The following PALD1 variants were observed in gnomAD, a reference collection of about 807,000 sequenced individuals.
The protein encoded by PALD1 is phosphatase domain containing paladin 1.
Under a neutral mutation model 96.0 loss-of-function variants are expected in PALD1, and 57 were observed. The observed-to-expected ratio is 0.59, with a 90% CI of 0.48 to 0.74. The LOEUF (loss-of-function observed/expected upper bound fraction) is 0.74. Among genes scored for constraint, PALD1 ranks in the 30% least tolerant of loss-of-function variants. The probability of loss-of-function intolerance (pLI) is 0.00; values close to 1 mark genes in which losing one functional copy is unlikely to be tolerated. For synonymous variants in PALD1, 464 were observed against 473.6 expected (o/e 0.98, Z 0.26); for missense variants, 1,063 against 1,143.7 (o/e 0.93, Z 1.02).
chr10:70,548,911 T>G (rs983504836), intron 18 of PALD1, among the ~76,000 whole-genome samples: 2 of 151,654 alleles, frequency 1.3e-5, no homozygotes, highest in South Asian at 2.1e-4. Flanking sequence ...TTTGGAGAGA[T>G]AAAGAGGCTG....
rs564248938 is a variant in PALD1 at position 70,531,571 on chromosome 10, G to C, written c.633+117G>C. ...CCGTGTTCCCCCACTGTTGTGCCCTGCTTGGGTGAGTGGCTGGCTGCAAGG... is the reference window on the plus strand; with the variant it reads ...CCGTGTTCCCCCACTGTTGTGCCCTCCTTGGGTGAGTGGCTGGCTGCAAGG... On this transcript the variant is annotated intron_variant, in intron 5 of 19. Coordinates refer to ENST00000263563, the MANE Select transcript of PALD1 (RefSeq NM_014431.3). The C allele has an allele frequency of 7.0e-5, 68 of 966,914 alleles. No individual in the cohort carries two copies. The African/African-American group carries it at 1.1e-3, about 15-fold the overall frequency. The allele number at this position is 966,914 out of a possible 1,614,324, so 59.9% of individuals were successfully genotyped here.
Position 70,540,503 on chromosome 10 carries a change from C to T in PALD1, c.1909-599C>T, listed in dbSNP as rs574475095. ...ACCGGACGTGGATCCCTGTGTGGTGCGTGTGTCTGGCGTGTGTTGTAGGTG... is the reference window on the plus strand; with the variant it reads ...ACCGGACGTGGATCCCTGTGTGGTGTGTGTGTCTGGCGTGTGTTGTAGGTG... On this transcript the variant is annotated intron_variant, in intron 15 of 19. Transcript: ENST00000263563. This position sits in a 1 kb window ranked among gnomAD's most constrained non-coding sequence, Gnocchi z 4.2. Among the ~76,000 whole-genome samples, 15 of 151,128 alleles carry T rather than the reference C, an allele frequency of 9.9e-5. No homozygotes were observed. In the South Asian group the frequency reaches 2.8e-3, roughly 28 times the overall value.
chr10:70,546,210 C>A (rs1382763395), intron 17 of PALD1, among the ~76,000 whole-genome samples: 2 of 152,176 alleles, frequency 1.3e-5, no homozygotes, highest in African/African-American at 2.4e-5. Flanking sequence ...ACACTCCAGA[C>A]TGGGTGACAG....
chr10:70,483,539 G>A (rs1845968870), intron 1 of PALD1, among the ~76,000 whole-genome samples: 1 of 152,140 alleles, frequency 6.6e-6, no homozygotes, highest in South Asian at 2.1e-4. Flanking sequence ...CCTGGGAAAC[G>A]GCCAACAGGC....
intron 2 of PALD1, among the ~76,000 whole-genome samples, chr10:70,527,586 G>A (rs908817403): frequency 5.9e-5 from 9 of 152,210 alleles, no homozygotes; most frequent in Non-Finnish European, 1.3e-4. Context: ...AGTATTTACT[G>A]TGTGGCCCTT....
intron 10 of PALD1, among the ~76,000 whole-genome samples, chr10:70,537,122 T>G (rs2132387270): frequency 1.3e-5 from 2 of 152,194 alleles, no homozygotes; most frequent in East Asian, 3.9e-4. Context: ...CTTTTTTTTT[T>G]TTTGAGACAG....
intron 1 of PALD1, among the ~76,000 whole-genome samples, chr10:70,500,746 G>A (rs999022430): frequency 6.6e-6 from 1 of 152,210 alleles, no homozygotes. Context: ...GGGATTATAG[G>A]GGTGGGGGAA....
At chr10:70,496,130 C>T (rs1846191611) in intron 1 of PALD1, among the ~76,000 whole-genome samples, 1 of 152,132 alleles carries the variant, frequency 6.6e-6, no homozygotes, top group African/African-American at 2.4e-5. Context: ...GACTTGAACT[C>T]TGGTCTTTCG....
chr10:70,551,928 A>C (rs1309313157), intron 18 of PALD1, among the ~76,000 whole-genome samples: 1 of 152,086 alleles, frequency 6.6e-6, no homozygotes, highest in African/African-American at 2.4e-5. Context: ...AATCCTGCCA[A>C]CTCAGCGATG....
intron 2 of PALD1, 149 bp from the exon 3 acceptor site, chr10:70,529,080 G>C: frequency 1.7e-6 from 1 of 595,608 alleles, no homozygotes; most frequent in Non-Finnish European, 3.1e-6. Flanking sequence ...AAGAAGGGAA[G>C]AGTGGATATT....
At chr10:70,514,994 A>G (rs1042317300) in intron 1 of PALD1, among the ~76,000 whole-genome samples, 2 of 152,140 alleles carry the variant, frequency 1.3e-5, no homozygotes, top group African/African-American at 4.8e-5. Flanking sequence ...AATAAATATC[A>G]CCCTGCAGCT....
At chr10:70,503,763 G>T (rs1311459213) in intron 1 of PALD1, among the ~76,000 whole-genome samples, 1 of 152,160 alleles carries the variant, frequency 6.6e-6, no homozygotes, top group Non-Finnish European at 1.5e-5. Flanking sequence ...TTTTTATGCA[G>T]TCTGATCTGT....
At chr10:70,531,226 C>T (rs117602206) in intron 4 of PALD1, 64 bp from the exon 5 acceptor site, 45,156 of 1,381,364 alleles carry the variant, frequency 0.033, 874 homozygotes, top group Admixed American at 0.05. Context: ...TGAGGTGGGG[C>T]AGTGGTGCAG....
chr10:70,560,769 C>T lies in PALD1; in HGVS notation c.2263-3595C>T, dbSNP rs114917121. ...GAGATGCCCGAAGTACCCAGTGCCC[C>T]GGCCACCTCTCCTGGCCCTCTTCTA... On this transcript the variant is annotated intron_variant, in intron 18 of 19. Transcript: ENST00000263563. 6.3e-3 allele frequency among the ~76,000 whole-genome samples: 958 copies of T among 152,204 alleles called. 10 individuals carry two copies. Among genetic ancestry groups the T allele is most frequent in the African/African-American group, 0.019 (788 of 41,514 alleles).
chr10:70,515,296 A>G (rs933060), intron 1 of PALD1, among the ~76,000 whole-genome samples: 104,443 of 152,154 alleles, frequency 0.69, 36,064 homozygotes, highest in Middle Eastern at 0.79. Context: ...AGGGCCCAGA[A>G]CAGAGCTGGG....
chr10:70,474,557 G>T (rs1845800139), upstream of PALD1, among the ~76,000 whole-genome samples: 1 of 152,022 alleles, frequency 6.6e-6, no homozygotes, highest in African/African-American at 2.4e-5. Flanking sequence ...TCTGTCCAAG[G>T]AAGGAAGGAA....
Position 70,531,404 on chromosome 10 carries a change from C to A in PALD1, c.583C>A (p.Leu195Ile), listed in dbSNP as rs749480097. 1 of 1,614,080 alleles carries A rather than the reference C, an allele frequency of 6.2e-7. No homozygotes were observed. ...GAACCTTCATGAGAACCTCCAGGGC[C>A]TTGGACCCGGGGTCCGGGTGGAGAG... Reference protein sequence around the residue: ...KQNLHENLQGLGPGVRVESLE... With the variant: ...KQNLHENLQGIGPGVRVESLE... Residue 195 changes from leucine to isoleucine, a missense_variant, in exon 5 of 20, where the codon CTT becomes ATT. Transcript: ENST00000263563.
intron 18 of PALD1, among the ~76,000 whole-genome samples, 168 bp from the exon 19 acceptor site, chr10:70,564,196 G>A (rs1016958682): frequency 1.3e-5 from 2 of 152,160 alleles, no homozygotes; most frequent in African/African-American, 4.8e-5. Flanking sequence ...CTCCTGACCC[G>A]CGGCCCTGGC....
chr10:70,563,292 T>C lies in PALD1; in HGVS notation c.2263-1072T>C, dbSNP rs139944051. On this transcript the variant is annotated intron_variant, in intron 18 of 19. Coordinates refer to ENST00000263563, the MANE Select transcript of PALD1 (RefSeq NM_014431.3). ...CTCCCTCCAGCCAGGCCAGCCCCTC[T>C]CAGCCCCCAAACTCCAGGCAGCAGC... is the stretch of plus-strand genomic sequence containing the variant. 2.8e-3 allele frequency among the ~76,000 whole-genome samples: 429 copies of C among 152,174 alleles called. 2 individuals are homozygous for C. Among genetic ancestry groups the C allele is most frequent in the Non-Finnish European group, 4.5e-3 (306 of 68,014 alleles).
Sources: allele counts gnomAD v4.1 joint callset (sites outside exome capture counted in the v4.1 genomes callset), GRCh38; gene constraint gnomAD v4.1.1; non-coding constraint Gnocchi (gnomAD v3.1); transcripts MANE v1.5; gene names NCBI Gene and HGNC (gene_info 2026-07-23, HGNC 2026-07-21).